NYAP2: variants seen among roughly 807,000 people sequenced by gnomAD.
NYAP2 encodes neuronal tyrosine-phosphorylated phosphoinositide-3-kinase adaptor 2, also known as neuronal tyrosine-phosphorylated phosphoinositide-3-kinase adapter 2.
NYAP2 carries 23 observed loss-of-function variants against 50.4 expected under a neutral mutation model. The observed-to-expected ratio is 0.46, with a 90% confidence interval of 0.33 to 0.65. The LOEUF (loss-of-function observed/expected upper bound fraction) is 0.65, where lower values mean the gene tolerates loss of function less well. NYAP2 is among the 30% of genes least tolerant of loss of function. The pLI is 0.02. For synonymous variants in NYAP2, 394 were observed against 365.2 expected, an observed-to-expected ratio of 1.08 and a Z score of -0.90; for missense variants, 885 against 861.0, an observed-to-expected ratio of 1.03 and a Z score of -0.35.
intron 5 of NYAP2, among the ~76,000 whole-genome samples, chr2:225,589,516 A>AAAAAATATATATATATATATATATAT (rs112700820): frequency 1.4e-4 from 10 of 71,340 alleles, no homozygotes; most frequent in Non-Finnish European, 2.4e-4. Context: ...CTAAAAGTAA[A>AAAAAATATATATATATATATATATAT]ATATATATAT....
chr2:225,513,596 C>A (rs781354393), exon 4 of NYAP2: 8 of 1,584,434 alleles, frequency 5.0e-6, no homozygotes, highest in Middle Eastern at 1.7e-4. Context: ...ACCCCAGCAC[C>A]AAGCTGAGCA....
intron 3 of NYAP2, among the ~76,000 whole-genome samples, chr2:225,446,415 G>A (rs1448026777): frequency 6.6e-6 from 1 of 151,516 alleles, no homozygotes; most frequent in Admixed American, 6.6e-5. Context: ...ACTGCACTGG[G>A]TAGGAAAAAG....
At chr2:225,657,102 CTTTTTTTTTTTTTT>C (rs375126014), downstream of NYAP2, among the ~76,000 whole-genome samples, 2 of 101,074 alleles carry the variant, frequency 2.0e-5, no homozygotes, top group Admixed American at 1.2e-4. Flanking sequence ...AATCTAATTC[CTTTTTTTTTTTTTT>C]TTTTTTTTTT....
At chr2:225,443,297 G>A (rs1488702689) in intron 3 of NYAP2, among the ~76,000 whole-genome samples, 1 of 152,122 alleles carries the variant, frequency 6.6e-6, no homozygotes, top group Non-Finnish European at 1.5e-5. Flanking sequence ...CAATCTGACA[G>A]ACCCACAGTA....
chr2:225,470,569 G>T (rs766469231), intron 3 of NYAP2, among the ~76,000 whole-genome samples: 1 of 152,062 alleles, frequency 6.6e-6, no homozygotes, highest in African/African-American at 2.4e-5. Flanking sequence ...AAAGCAATTG[G>T]AATAAAAACA....
chr2:225,676,835 G>C, the NYAP2 span, among the ~76,000 whole-genome samples: 1 of 152,152 alleles, frequency 6.6e-6, no homozygotes, highest in Admixed American at 6.6e-5. Flanking sequence ...TTTGAAGTCA[G>C]GCAATGTGAT....
chr2:225,548,585 G>A (rs1691622442), intron 4 of NYAP2, among the ~76,000 whole-genome samples: 2 of 151,396 alleles, frequency 1.3e-5, no homozygotes, highest in African/African-American at 4.9e-5. Flanking sequence ...AACGAAGAAT[G>A]CAGACAGAAG....
downstream of NYAP2, among the ~76,000 whole-genome samples, chr2:225,657,771 C>A (rs1016549277): frequency 6.6e-6 from 1 of 152,106 alleles, no homozygotes; most frequent in Non-Finnish European, 1.5e-5. Context: ...GTCCTATAGA[C>A]CAGGGACATT....
exon 7 of NYAP2, chr2:225,653,211 C>T (rs1340554184): frequency 6.6e-6 from 1 of 152,230 alleles, no homozygotes; most frequent in East Asian, 1.9e-4. Flanking sequence ...GAGGATTGCA[C>T]TAATACAATC....
chr2:225,645,404 C>T (rs1400132097), intron 6 of NYAP2, among the ~76,000 whole-genome samples: 1 of 149,314 alleles, frequency 6.7e-6, no homozygotes, highest in African/African-American at 2.5e-5. Context: ...TGTGTTCCTC[C>T]CTCCTTCTCT....
chr2:225,635,509 A>G (rs1196802316), intron 6 of NYAP2, among the ~76,000 whole-genome samples: 2 of 152,114 alleles, frequency 1.3e-5, no homozygotes, highest in African/African-American at 4.8e-5. Context: ...TTCCCATTCA[A>G]TTTTACTGGA....
chr2:225,614,664 T>C (rs1692956225), intron 5 of NYAP2, among the ~76,000 whole-genome samples: 1 of 152,254 alleles, frequency 6.6e-6, no homozygotes, highest in Admixed American at 6.5e-5. Context: ...TAAAAACATT[T>C]TCTTCATTAG....
At chr2:225,531,348 G>A (rs1691251041) in intron 4 of NYAP2, among the ~76,000 whole-genome samples, 1 of 152,078 alleles carries the variant, frequency 6.6e-6, no homozygotes, top group Non-Finnish European at 1.5e-5. Context: ...ATCCCTCAAG[G>A]AACAGGGTCA....
intron 4 of NYAP2, among the ~76,000 whole-genome samples, chr2:225,575,050 C>T (rs922827515): frequency 6.6e-6 from 1 of 152,120 alleles, no homozygotes; most frequent in African/African-American, 2.4e-5. Context: ...AATCCTGTAT[C>T]GTACATAGCT....
intron 3 of NYAP2, among the ~76,000 whole-genome samples, chr2:225,477,639 CT>C (rs1400401479): frequency 6.6e-6 from 1 of 152,106 alleles, no homozygotes; most frequent in Non-Finnish European, 1.5e-5. Context: ...TAGAAACTTA[CT>C]TTATAAGAGT....
intron 3 of NYAP2, among the ~76,000 whole-genome samples, chr2:225,410,399 T>C (rs1448289932): frequency 6.6e-6 from 1 of 152,122 alleles, no homozygotes; most frequent in East Asian, 1.9e-4. Flanking sequence ...GATTCTTTTC[T>C]AGAGTGTATA....
At chr2:225,539,176 C>T (rs1256080894) in intron 4 of NYAP2, among the ~76,000 whole-genome samples, 1 of 152,178 alleles carries the variant, frequency 6.6e-6, no homozygotes, top group Admixed American at 6.5e-5. Flanking sequence ...GATATAAACA[C>T]ATCCTTTTTA....
intron 4 of NYAP2, among the ~76,000 whole-genome samples, chr2:225,528,645 C>G (rs1052401516): frequency 1.3e-5 from 2 of 152,162 alleles, no homozygotes; most frequent in African/African-American, 4.8e-5. Context: ...CTCTTGTTGA[C>G]CCAGCATGGG....
At chr2:225,645,273 C>T (rs116010502) in intron 6 of NYAP2, among the ~76,000 whole-genome samples, 3,204 of 151,148 alleles carry the variant, frequency 0.021, 120 homozygotes, top group African/African-American at 0.074. Context: ...AAAAAGCTAA[C>T]TAATAAATTA....
Sources: gnomAD v4.1 joint callset for allele counts (sites outside exome capture counted in the v4.1 genomes callset) on GRCh38, gnomAD v4.1.1 for gene constraint, MANE v1.5 for transcripts, NCBI Gene and HGNC (gene_info 2026-07-23, HGNC 2026-07-21) for gene names.